SULF1: variants seen among roughly 807,000 people sequenced by gnomAD.
The protein encoded by SULF1 is sulfatase 1.
In SULF1, 46 loss-of-function variants were observed where a neutral mutation model predicts 110.5. That is an observed-to-expected ratio of 0.42 (90% CI 0.33 to 0.53). The LOEUF (loss-of-function observed/expected upper bound fraction) is 0.53. Among genes scored for constraint, SULF1 ranks in the 20% least tolerant of loss-of-function variants. The pLI is 0.12. For missense variants in SULF1, 941 were observed against 1,094.2 expected (o/e 0.86, Z 1.98); for synonymous variants, 371 against 387.1 (o/e 0.96, Z 0.49).
At position 69,659,144 on chromosome 8, in the gene SULF1, A is replaced by G. The variant is rs1812946776; in HGVS notation, c.*609A>G. Reference sequence around the variant, plus strand: ...AAGGACATTTTTGAAGATCAACTATATCTTCCTGTGCATTCCGATGGAATT... The same window carrying G: ...AAGGACATTTTTGAAGATCAACTATGTCTTCCTGTGCATTCCGATGGAATT... On this transcript the variant is annotated 3_prime_UTR_variant, in exon 23 of 23. Transcript: ENST00000402687. 4.4e-6 allele frequency: 2 copies of G among 456,654 alleles called. No individual in the cohort carries two copies. The highest frequency in any genetic ancestry group is 3.2e-4 in the Middle Eastern group (1 of 3,098). 28.3% of individuals were successfully genotyped at this position (456,654 alleles called of 1,614,324 possible).
At chr8:69,655,948 C>A (rs997606672) in intron 22 of SULF1, among the ~76,000 whole-genome samples, 7 of 151,878 alleles carry the variant, frequency 4.6e-5, no homozygotes, top group African/African-American at 1.7e-4. Context: ...AAATGTGCAC[C>A]CTCTATATTT....
At chr8:69,628,606 T>G (rs1403441158) in intron 18 of SULF1, among the ~76,000 whole-genome samples, 2 of 152,216 alleles carry the variant, frequency 1.3e-5, no homozygotes, top group African/African-American at 4.8e-5. Context: ...GGAATAGTGC[T>G]GAATTCTGAA....
intron 18 of SULF1, among the ~76,000 whole-genome samples, chr8:69,628,572 A>T (rs1394491033): frequency 1.3e-5 from 2 of 152,168 alleles, no homozygotes; most frequent in African/African-American, 4.8e-5. Context: ...CTCTCGATGC[A>T]GTTGGTGTTC....
At chr8:69,472,384 C>T (rs1452320363) in intron 1 of SULF1, among the ~76,000 whole-genome samples, 3 of 152,202 alleles carry the variant, frequency 2.0e-5, no homozygotes, top group African/African-American at 7.2e-5. Context: ...CACCTTCAAA[C>T]CAAATTTAAC....
At chr8:69,539,538 G>A (rs1016952147) in intron 3 of SULF1, among the ~76,000 whole-genome samples, 1 of 152,140 alleles carries the variant, frequency 6.6e-6, no homozygotes, top group Non-Finnish European at 1.5e-5. Flanking sequence ...TTGAGTTGAA[G>A]AAATACCCAT....
At chr8:69,539,402 C>G (rs1167000201) in intron 3 of SULF1, among the ~76,000 whole-genome samples, 2 of 152,138 alleles carry the variant, frequency 1.3e-5, no homozygotes, top group Non-Finnish European at 2.9e-5. Context: ...TAATATTTCT[C>G]AGATTATACT....
At chr8:69,630,803 G>A (rs1304480910) in intron 19 of SULF1, among the ~76,000 whole-genome samples, 1 of 152,190 alleles carries the variant, frequency 6.6e-6, no homozygotes, top group Non-Finnish European at 1.5e-5. Flanking sequence ...TGCTATGAAG[G>A]AAACAGTGAT....
chr8:69,552,303 T>C (rs1814781632), intron 3 of SULF1, among the ~76,000 whole-genome samples: 1 of 152,216 alleles, frequency 6.6e-6, no homozygotes, highest in Non-Finnish European at 1.5e-5. Context: ...GGTAAAGATG[T>C]TTCTTTTGGG....
At chr8:69,484,589 C>T (rs555670847) in intron 1 of SULF1, among the ~76,000 whole-genome samples, 4 of 152,290 alleles carry the variant, frequency 2.6e-5, no homozygotes, top group Admixed American at 2.0e-4. Context: ...AGTTGAACTG[C>T]TCTGTGGATG....
intron 8 of SULF1, among the ~76,000 whole-genome samples, chr8:69,596,448 C>T (rs1253120516): frequency 6.6e-6 from 1 of 152,034 alleles, no homozygotes; most frequent in African/African-American, 2.4e-5. Flanking sequence ...CCTAGAAGGG[C>T]CAGACTTTAT....
intron 3 of SULF1, among the ~76,000 whole-genome samples, chr8:69,554,993 A>AC (rs1815003401): frequency 1.1e-5 from 1 of 88,296 alleles, no homozygotes; most frequent in African/African-American, 5.6e-5. Flanking sequence ...AAAAAAAAAA[A>AC]AAAAACAAAA....
At chr8:69,613,896 C>G (rs1031440740) in intron 13 of SULF1, among the ~76,000 whole-genome samples, 5 of 151,842 alleles carry the variant, frequency 3.3e-5, no homozygotes, top group African/African-American at 1.2e-4. Flanking sequence ...ATTATTTTAT[C>G]GGATGTGGAA....
At chr8:69,600,131 T>C (rs1438966960) in intron 8 of SULF1, among the ~76,000 whole-genome samples, 1 of 152,116 alleles carries the variant, frequency 6.6e-6, no homozygotes, top group Non-Finnish European at 1.5e-5. Context: ...TCTTCTCAAG[T>C]ATTCAGGAGA....
chr8:69,533,001 A>G (rs4737982), intron 3 of SULF1, among the ~76,000 whole-genome samples: 10,812 of 152,284 alleles, frequency 0.071, 856 homozygotes, highest in East Asian at 0.41. Flanking sequence ...TACTAATATC[A>G]AGACAAACAA....
intron 9 of SULF1, 71 bp from the exon 10 acceptor site, chr8:69,601,583 G>T: frequency 1.5e-6 from 2 of 1,307,722 alleles, no homozygotes; most frequent in Non-Finnish European, 2.0e-6. Context: ...GGGGGCAATC[G>T]TGGCAACACT....
chr8:69,507,586 T>A (rs754857451), intron 3 of SULF1, among the ~76,000 whole-genome samples: 4 of 152,218 alleles, frequency 2.6e-5, no homozygotes, highest in Non-Finnish European at 5.9e-5. Flanking sequence ...ATTCTGTCAT[T>A]ATTGCATTAA....
At chr8:69,553,040 C>T (rs16936073) in intron 3 of SULF1, among the ~76,000 whole-genome samples, 2,666 of 152,248 alleles carry the variant, frequency 0.018, 71 homozygotes, top group African/African-American at 0.061. Context: ...TGGAGGTGAA[C>T]TTTTAAGATC....
intron 7 of SULF1, among the ~76,000 whole-genome samples, 164 bp downstream of exon 7, chr8:69,586,672 C>T (rs1208213639): frequency 6.6e-6 from 1 of 152,142 alleles, no homozygotes; most frequent in Non-Finnish European, 1.5e-5. Context: ...GGAAAAGACT[C>T]TCAAGGAACG....
In SULF1 at chr8:69,638,662, C is replaced by A; in HGVS notation, c.2427+18C>A. The A allele has an allele frequency of 6.2e-7, 1 of 1,611,740 alleles. No homozygotes were observed. The highest frequency in any genetic ancestry group is 1.1e-5 in the South Asian group (1 of 90,472). The stretch of plus-strand genomic sequence containing the variant: ...CTTATCAGGTAAGACAATATATGTT[C>A]ATTTTATGAAGGTTGTTGAAAATAG... On this transcript the variant is annotated intron_variant, in intron 20 of 22. Coordinates refer to ENST00000402687, the MANE Select transcript of SULF1 (RefSeq NM_001128205.2).
Sources: allele counts gnomAD v4.1 joint callset (sites outside exome capture counted in the v4.1 genomes callset), GRCh38; gene constraint gnomAD v4.1.1; transcripts MANE v1.5; gene names NCBI Gene and HGNC (gene_info 2026-07-23, HGNC 2026-07-21).